The following ITGB6 variants were observed in gnomAD, a reference collection of about 807,000 sequenced individuals.
ITGB6 encodes integrin beta-6.
A neutral mutation model predicts 84.5 loss-of-function variants in ITGB6; 80 were observed. That is an observed-to-expected ratio of 0.95 (90% CI 0.79 to 1.14). The LOEUF (loss-of-function observed/expected upper bound fraction) is 1.14, where lower values mean the gene tolerates loss of function less well. Among genes scored for constraint, ITGB6 ranks in the 50% most tolerant of loss-of-function variants. The pLI is 0.00. For synonymous variants in ITGB6, 383 were observed against 354.9 expected (o/e 1.08, Z -0.89); for missense variants, 1,006 against 968.0 (o/e 1.04, Z -0.52).
At chr2:160,152,850 T>C (rs1294347806) in intron 7 of ITGB6, among the ~76,000 whole-genome samples, 2 of 152,236 alleles carry the variant, frequency 1.3e-5, no homozygotes, top group African/African-American at 4.8e-5. Context: ...CATTCACAAT[T>C]GCTACAAAGA....
intron 14 of ITGB6, among the ~76,000 whole-genome samples, chr2:160,105,433 G>A (rs1696872076): frequency 6.6e-6 from 1 of 152,126 alleles, no homozygotes; most frequent in Non-Finnish European, 1.5e-5. Context: ...CTCTGTATGA[G>A]AACATTGAAA....
rs369951064 is a variant in ITGB6 at position 160,195,435 on chromosome 2, G to T, written c.527C>A (p.Ser176Tyr). The T allele has an allele frequency of 1.9e-5, 31 of 1,614,062 alleles. No individual in the cohort carries two copies. The highest frequency in any genetic ancestry group is 2.5e-5 in the Non-Finnish European group (30 of 1,180,006). The change falls in exon 4 of 15, where the codon TCT (serine) becomes TAT (tyrosine). Residue 176 changes from serine (S) to tyrosine (Y), a missense_variant. Transcript: ENST00000283249. ...AGGGGATACAGGTTTTTCCACAAAA[G>T]ATCCGAAGCCCAGTCTAAAGTTGCT... ...LTSNFRLGFGSFVEKPVSPFV... is the reference protein window; with the variant it reads ...LTSNFRLGFGYFVEKPVSPFV...
chr2:160,187,482 C>A (rs984106350), intron 4 of ITGB6, among the ~76,000 whole-genome samples: 2 of 152,120 alleles, frequency 1.3e-5, no homozygotes, highest in Non-Finnish European at 2.9e-5. Flanking sequence ...TGTCCACAGT[C>A]ATTGAAAAAA....
chr2:160,180,778 A>G (rs1013541253), intron 4 of ITGB6, among the ~76,000 whole-genome samples: 9 of 152,136 alleles, frequency 5.9e-5, no homozygotes, highest in African/African-American at 1.9e-4. Flanking sequence ...TGCATTTCCA[A>G]CTGAGGTACC....
chr2:160,119,495 C>T (rs1395424963), intron 12 of ITGB6, among the ~76,000 whole-genome samples: 3 of 151,920 alleles, frequency 2.0e-5, no homozygotes, highest in South Asian at 2.1e-4. Context: ...CCCTTCCTTA[C>T]ACCTTATACA....
At chr2:160,197,156 G>A (rs1381312884) in intron 2 of ITGB6, among the ~76,000 whole-genome samples, 1 of 152,036 alleles carries the variant, frequency 6.6e-6, no homozygotes, top group Non-Finnish European at 1.5e-5. Flanking sequence ...TTAAAAGTCT[G>A]CTTTTTGCTG....
chr2:160,172,511 T>G, intron 6 of ITGB6, 58 bp downstream of exon 6: 1 of 1,460,268 alleles, frequency 6.8e-7, no homozygotes, highest in Non-Finnish European at 9.4e-7. Flanking sequence ...TTACACTAGT[T>G]GTTGCTTCGT....
At chr2:160,104,367 C>T (rs1202068217) in intron 14 of ITGB6, among the ~76,000 whole-genome samples, 2 of 152,134 alleles carry the variant, frequency 1.3e-5, no homozygotes, top group African/African-American at 4.8e-5. Flanking sequence ...CTGATTGTAA[C>T]CTCTCTACAC....
At chr2:160,139,357 T>C (rs572260791) in intron 8 of ITGB6, among the ~76,000 whole-genome samples, 6 of 151,924 alleles carry the variant, frequency 3.9e-5, no homozygotes, top group African/African-American at 1.5e-4. Context: ...TGTTTTATTT[T>C]TAATTTGTGT....
intron 10 of ITGB6, among the ~76,000 whole-genome samples, chr2:160,136,114 G>A (rs1683702138): frequency 6.6e-6 from 1 of 152,268 alleles, no homozygotes; most frequent in African/African-American, 2.4e-5. Context: ...AGAGTGAACA[G>A]GCAACCTACA....
intron 7 of ITGB6, among the ~76,000 whole-genome samples, chr2:160,154,857 T>A (rs1274065914): frequency 6.6e-6 from 1 of 152,186 alleles, no homozygotes; most frequent in East Asian, 1.9e-4. Context: ...GCAGTTGGTA[T>A]GGTTTGGATT....
At chr2:160,123,528 T>G (rs1055723991) in intron 12 of ITGB6, among the ~76,000 whole-genome samples, 1 of 152,178 alleles carries the variant, frequency 6.6e-6, no homozygotes, top group African/African-American at 2.4e-5. Flanking sequence ...TTCTCTACAG[T>G]TGAATTTGTT....
intron 6 of ITGB6, among the ~76,000 whole-genome samples, chr2:160,171,211 A>T (rs544260993): frequency 6.6e-6 from 1 of 151,348 alleles, no homozygotes; most frequent in South Asian, 2.1e-4. Flanking sequence ...CTGCACCCCC[A>T]CCTACACCTC....
chr2:160,101,745 T>C lies in ITGB6; in HGVS notation c.2358A>G (p.Thr786=). 2 of 1,544,924 alleles carry C rather than the reference T, an allele frequency of 1.3e-6. No homozygotes were observed. Among genetic ancestry groups the C allele is most frequent in the South Asian group, 2.2e-5 (2 of 89,278 alleles). The change falls in exon 15 of 15, where the codon ACA becomes ACG. Residue 786 remains threonine, a synonymous_variant. Coordinates refer to ENST00000283249, the MANE Select transcript of ITGB6 (RefSeq NM_000888.5). ...HREKQKVDLS[T]DC is the part of the protein sequence containing the mutation. ...CATGCATAAAGTAGTTCTAGCAATCTGTGGAAAGGTCTACCTTTTGTTTTT... is the reference window on the plus strand; with the variant it reads ...CATGCATAAAGTAGTTCTAGCAATCCGTGGAAAGGTCTACCTTTTGTTTTT...
chr2:160,189,228 T>C (rs1456313558), intron 4 of ITGB6, among the ~76,000 whole-genome samples: 2 of 152,062 alleles, frequency 1.3e-5, no homozygotes, highest in Non-Finnish European at 2.9e-5. Context: ...ACTTACATGT[T>C]AGACCTAAAA....
chr2:160,103,191 A>C (rs1412932703), intron 14 of ITGB6, among the ~76,000 whole-genome samples: 1 of 152,132 alleles, frequency 6.6e-6, no homozygotes, highest in Admixed American at 6.5e-5. Context: ...TTGAAAAAAA[A>C]CCTTAATTGT....
At chr2:160,146,898 C>T (rs545587585) in intron 7 of ITGB6, among the ~76,000 whole-genome samples, 5 of 151,764 alleles carry the variant, frequency 3.3e-5, no homozygotes, top group South Asian at 2.1e-4. Context: ...TCCAGGGGTT[C>T]GAGACCAGCC....
At chr2:160,110,487 G>T (rs934965321) in intron 13 of ITGB6, among the ~76,000 whole-genome samples, 4 of 152,142 alleles carry the variant, frequency 2.6e-5, no homozygotes, top group Admixed American at 6.5e-5. Context: ...GAGCCTCCAA[G>T]TTGGAACCTG....
At chr2:160,175,775 C>T (rs949083135) in intron 4 of ITGB6, among the ~76,000 whole-genome samples, 1 of 152,152 alleles carries the variant, frequency 6.6e-6, no homozygotes, top group Non-Finnish European at 1.5e-5. Context: ...TAGAAGCACA[C>T]ATAAAATAAG....
Sources: allele counts gnomAD v4.1 joint callset (sites outside exome capture counted in the v4.1 genomes callset), GRCh38; gene constraint gnomAD v4.1.1; transcripts MANE v1.5; gene names NCBI Gene and HGNC (gene_info 2026-07-23, HGNC 2026-07-21).